TACC2: variants seen among roughly 807,000 people sequenced by gnomAD.
TACC2 encodes the protein transforming acidic coiled-coil containing protein 2, also known as transforming acidic coiled-coil-containing protein 2.
A neutral mutation model predicts 227.3 loss-of-function variants in TACC2; 137 were observed. The ratio of observed to expected loss-of-function variants is 0.60; its 90% confidence interval spans 0.52 to 0.69. The LOEUF is 0.69. TACC2 is among the 30% of genes least tolerant of loss of function. TACC2 has a pLI of 0.00. For missense variants in TACC2, 3,470 were observed against 3,694.4 expected (o/e 0.94, Z 1.57); for synonymous variants, 1,523 against 1,487.5 (o/e 1.02, Z -0.55).
chr10:122,193,031 C>T (rs901065690), intron 7 of TACC2, among the ~76,000 whole-genome samples: 5 of 152,218 alleles, frequency 3.3e-5, no homozygotes, highest in Admixed American at 6.5e-5. Flanking sequence ...GCGGATCTTT[C>T]CTTCTCCCCA....
At chr10:122,132,022 A>C (rs897208451) in intron 5 of TACC2, among the ~76,000 whole-genome samples, 1 of 117,478 alleles carries the variant, frequency 8.5e-6, no homozygotes, top group Non-Finnish European at 1.7e-5. Flanking sequence ...ACAGTCTCAA[A>C]AAAGAAAGAA....
chr10:122,172,651 C>T (rs2093532120), intron 7 of TACC2, among the ~76,000 whole-genome samples: 1 of 152,162 alleles, frequency 6.6e-6, no homozygotes, highest in South Asian at 2.1e-4. Context: ...ATGGAACTTC[C>T]CAGCTGAGCC....
Position 122,083,047 on chromosome 10 carries a change from G to A in TACC2, c.547G>A (p.Gly183Arg), listed in dbSNP as rs199693945. 6.2e-7 allele frequency: 1 copy of A among 1,612,654 alleles called. No homozygotes were observed. The highest frequency in any genetic ancestry group is 2.2e-5 in the East Asian group (1 of 44,854). Residue 183 changes from glycine to arginine, a missense_variant, in exon 4 of 23, where the codon GGA (glycine) becomes AGA (arginine). Physicochemically the swap from Gly to Arg is moderately radical, Grantham distance 125. This residue lies in a region of TACC2 where 405 missense variants were observed against 389.6 expected (regional missense o/e 1.04). Transcript: ENST00000369005. ...AGRERQPKEE[G>R]QKSSFSFSSG... ...AAGAGAGAGACAGCCGAAGGAAGAA[G>A]GACAGAAGTCCTCCTTCTCCTTCTC...
At chr10:122,249,261 G>A (rs981710645) in intron 21 of TACC2, 105 bp downstream of exon 21, 1 of 840,508 alleles carries the variant, frequency 1.2e-6, no homozygotes, top group Admixed American at 2.2e-5. Flanking sequence ...CTTGGAAAGG[G>A]GGCATCATCC....
intron 2 of TACC2, among the ~76,000 whole-genome samples, chr10:122,038,275 A>G (rs1343066357): frequency 1.3e-5 from 2 of 152,232 alleles, no homozygotes; most frequent in East Asian, 3.9e-4. Context: ...GTCTCAAAAA[A>G]CAAATAAACA....
intron 3 of TACC2, 58 bp from the exon 4 acceptor site, chr10:122,082,589 G>A: frequency 6.5e-7 from 1 of 1,542,738 alleles, no homozygotes; most frequent in East Asian, 2.3e-5. Context: ...TGACCTGCCT[G>A]CAGTGTGGCT....
intron 5 of TACC2, among the ~76,000 whole-genome samples, chr10:122,115,739 A>T (rs1250345927): frequency 6.6e-6 from 1 of 151,954 alleles, no homozygotes; most frequent in African/African-American, 2.4e-5. Context: ...GTGTATGTGC[A>T]TATGTGTACA....
intron 8 of TACC2, among the ~76,000 whole-genome samples, chr10:122,195,864 C>T (rs2094550753): frequency 6.6e-6 from 1 of 152,186 alleles, no homozygotes; most frequent in African/African-American, 2.4e-5. Flanking sequence ...AGAAATGGTC[C>T]CACAGGCTGG....
chr10:122,075,348 G>C (rs571818636), intron 3 of TACC2, among the ~76,000 whole-genome samples: 1 of 128,354 alleles, frequency 7.8e-6, no homozygotes, highest in South Asian at 2.5e-4. Context: ...GATGGGGAAG[G>C]CTGGCCCAGG....
At chr10:122,247,041 G>A (rs1370137186) in intron 19 of TACC2, 1 of 152,574 alleles carries the variant, frequency 6.6e-6, no homozygotes, top group African/African-American at 2.4e-5. Flanking sequence ...GGAGCAGAGA[G>A]GCCTGGGAGG....
intron 7 of TACC2, among the ~76,000 whole-genome samples, chr10:122,148,198 G>A (rs112453248): frequency 0.011 from 1,707 of 151,774 alleles, 20 homozygotes; most frequent in African/African-American, 0.039. Context: ...CCGCCTCCCG[G>A]GTTTAAGCAG....
chr10:122,003,666 T>G (rs1954693898), intron 1 of TACC2, among the ~76,000 whole-genome samples: 1 of 151,826 alleles, frequency 6.6e-6, no homozygotes. Context: ...TTTTTTTTTT[T>G]CTTTTCTGAG....
chr10:122,176,075 C>G (rs995565384), intron 7 of TACC2, among the ~76,000 whole-genome samples: 49 of 68,418 alleles, frequency 7.2e-4, no homozygotes, highest in African/African-American at 2.0e-3. Flanking sequence ...GCAAAACCTT[C>G]TCTCTCTCTC....
intron 15 of TACC2, 150 bp downstream of exon 15, chr10:122,229,636 G>A: frequency 1.1e-6 from 1 of 882,170 alleles, no homozygotes; most frequent in Admixed American, 2.3e-5. Flanking sequence ...GATGGTATAT[G>A]TGACGTTCTT....
At chr10:122,125,776 CTT>C (rs67882679) in intron 5 of TACC2, among the ~76,000 whole-genome samples, 20 of 117,198 alleles carry the variant, frequency 1.7e-4, no homozygotes, top group Admixed American at 3.1e-4. Context: ...AATATCCTTC[CTT>C]TTTTTTTTTT....
intron 2 of TACC2, among the ~76,000 whole-genome samples, chr10:122,032,328 C>T (rs958241897): frequency 1.3e-5 from 2 of 152,188 alleles, no homozygotes; most frequent in Admixed American, 6.5e-5. Context: ...ACTGCTATCT[C>T]TGTCCCAGTG....
At chr10:122,162,270 C>G (rs755121600) in intron 7 of TACC2, among the ~76,000 whole-genome samples, 1 of 152,170 alleles carries the variant, frequency 6.6e-6, no homozygotes, top group East Asian at 1.9e-4. Flanking sequence ...CTACTGTGAC[C>G]TCGAGTGTCA....
intron 6 of TACC2, among the ~76,000 whole-genome samples, chr10:122,136,644 C>T (rs1180344982): frequency 1.3e-5 from 2 of 151,804 alleles, no homozygotes; most frequent in Non-Finnish European, 2.9e-5. Context: ...ACTCGGCCCC[C>T]TGGGGCTCAA....
chr10:122,063,456 C>T (rs1381597875), intron 3 of TACC2, among the ~76,000 whole-genome samples: 2 of 152,170 alleles, frequency 1.3e-5, no homozygotes, highest in Admixed American at 6.5e-5. Flanking sequence ...TGACTTTTGA[C>T]GCTGGCTGAA....
Sources: allele counts gnomAD v4.1 joint callset (sites outside exome capture counted in the v4.1 genomes callset), GRCh38; gene constraint gnomAD v4.1.1; regional missense constraint gnomAD v4.1.1; transcripts MANE v1.5; gene names NCBI Gene and HGNC (gene_info 2026-07-23, HGNC 2026-07-21).